The following MDN1 variants were observed in gnomAD, a reference collection of about 807,000 sequenced individuals.
The protein encoded by MDN1 is midasin AAA ATPase 1, also known as midasin.
MDN1 carries 266 observed loss-of-function variants against 669.2 expected under a neutral mutation model. The ratio of observed to expected loss-of-function variants is 0.40; its 90% CI spans 0.36 to 0.44. The LOEUF (loss-of-function observed/expected upper bound fraction) is 0.44, where lower values mean the gene tolerates loss of function less well. MDN1 is among the 20% of genes least tolerant of loss of function. The pLI is 1.00. For synonymous variants in MDN1, 2,385 were observed against 2,457.1 expected (o/e 0.97, Z 0.87); for missense variants, 5,940 against 6,754.0 (o/e 0.88, Z 4.22).
chr6:89,775,696 T>G (rs2128323463), intron 12 of MDN1, among the ~76,000 whole-genome samples: 1 of 152,292 alleles, frequency 6.6e-6, no homozygotes, highest in Non-Finnish European at 1.5e-5. Flanking sequence ...TTTGGTTGGT[T>G]TTTATCAGAG....
At chr6:89,688,268 G>C (rs1014982216) in intron 66 of MDN1, 95 bp from the exon 67 acceptor site, 15 of 1,147,018 alleles carry the variant, frequency 1.3e-5, no homozygotes, top group Non-Finnish European at 1.8e-5. Context: ...ATTCCCCCCA[G>C]TTCTCTACTT....
chr6:89,774,846 A>G (rs975539214), intron 12 of MDN1, 113 bp from the exon 13 acceptor site: 10 of 659,178 alleles, frequency 1.5e-5, no homozygotes, highest in Non-Finnish European at 2.1e-5. Flanking sequence ...ATTATTCTCT[A>G]CTTCCCAGAT....
At position 89,796,324 on chromosome 6, in the gene MDN1, C is replaced by CAAAAAAAAAAAAAAAA. The variant is rs35169575; in HGVS notation, c.330-1539_330-1524dup. Among the ~76,000 whole-genome samples, 69 of 45,286 alleles carry CAAAAAAAAAAAAAAAA rather than the reference C, an allele frequency of 1.5e-3. 4 individuals carry two copies. Among genetic ancestry groups the CAAAAAAAAAAAAAAAA allele is most frequent in the African/African-American group, 2.9e-3 (20 of 6,806 alleles). 29.7% of individuals were successfully genotyped at this position (45,286 alleles called of 152,430 possible). Reference sequence around the variant, plus strand: ...GGGCGACAAGAGCAAAACTCTGTCTCAAAAAAAAAAAAAAAAAAAAAAAAA... The same window carrying CAAAAAAAAAAAAAAAA: ...GGGCGACAAGAGCAAAACTCTGTCTCAAAAAAAAAAAAAAAAAAAAAAAAAAAAAAAAAAAAAAAAA... On this transcript the variant is annotated intron_variant, in intron 2 of 101. Transcript: ENST00000369393.
At chr6:89,657,664 CTTA>C (rs1324491004) in intron 90 of MDN1, among the ~76,000 whole-genome samples, 1 of 152,202 alleles carries the variant, frequency 6.6e-6, no homozygotes, top group Non-Finnish European at 1.5e-5. Flanking sequence ...ACAACTTTTT[CTTA>C]TTATGCACAC....
chr6:89,725,189 C>T lies in MDN1; in HGVS notation c.5670+10G>A. On this transcript the variant is annotated intron_variant, in intron 38 of 101. Transcript: ENST00000369393. ...CTATCTTTGGTCTCTATGGCAACAG[C>T]AAATCTTACCTGAGTGAATCTGTTA... is the stretch of plus-strand genomic sequence containing the variant. 1 of 1,613,568 alleles carries T rather than the reference C, an allele frequency of 6.2e-7. No homozygotes were observed. Among genetic ancestry groups the T allele is most frequent in the Non-Finnish European group, 8.5e-7 (1 of 1,179,596 alleles).
intron 1 of MDN1, among the ~76,000 whole-genome samples, chr6:89,812,098 G>C (rs1768458410): frequency 6.6e-6 from 1 of 151,250 alleles, no homozygotes; most frequent in Non-Finnish European, 1.5e-5. Flanking sequence ...CAATTCTCCT[G>C]CCTCAGCCTC....
In MDN1 at chr6:89,655,747, C is replaced by T; in HGVS notation, c.15490+17G>A. ...AGAGCTCAGTGGGCAAAGGCAGCAG[C>T]TTTCCCAGGACCGTACCATAGGTCT... On this transcript the variant is annotated intron_variant, in intron 92 of 101. Coordinates refer to ENST00000369393, the MANE Select transcript of MDN1 (RefSeq NM_014611.3). 1 of 1,580,112 alleles carries T rather than the reference C, an allele frequency of 6.3e-7. No individual in the cohort carries two copies.
rs1386116967 is a variant in MDN1, at chr6:89,661,813, G to A, written c.14566-235C>T. Among the ~76,000 whole-genome samples the A allele has an allele frequency of 4.6e-5, 7 of 152,068 alleles. No individual in the cohort carries two copies. In the South Asian group the frequency reaches 8.3e-4, roughly 18 times the overall value. On this transcript the variant is annotated intron_variant, in intron 87 of 101. Coordinates refer to ENST00000369393, the MANE Select transcript of MDN1 (RefSeq NM_014611.3). ...AAATGGTGCTATGTTACTTAATCTC[G>A]AAGAAACTTACAAGAAGAAATAAAC...
intron 78 of MDN1, among the ~76,000 whole-genome samples, chr6:89,675,068 C>T (rs1811090691): frequency 6.6e-6 from 1 of 152,202 alleles, no homozygotes; most frequent in Admixed American, 6.5e-5. Flanking sequence ...GTAACAGAAG[C>T]AGACTCAAAT....
chr6:89,749,682 T>C lies in MDN1; in HGVS notation c.3476A>G (p.Asp1159Gly). The C allele has an allele frequency of 6.2e-7, 1 of 1,613,950 alleles. No individual in the cohort carries two copies. The highest frequency in any genetic ancestry group is 8.5e-7 in the Non-Finnish European group (1 of 1,179,876). ...ILDELNLAPT[D>G]VLEALNRLLD... ...CAGCCTATTCAGCGCCTCTAACACATCAGTAGGGGCCAAATTTAATTCATC... is the reference window on the plus strand; with the variant it reads ...CAGCCTATTCAGCGCCTCTAACACACCAGTAGGGGCCAAATTTAATTCATC... Residue 1159 changes from aspartate (D) to glycine (G), a missense_variant, in exon 25 of 102, where the codon GAT becomes GGT. Physicochemically the swap from Asp to Gly is moderately conservative, Grantham distance 94. Transcript: ENST00000369393.
chr6:89,653,982 C>T (rs189323627), intron 93 of MDN1, among the ~76,000 whole-genome samples, 182 bp downstream of exon 93: 58 of 152,256 alleles, frequency 3.8e-4, no homozygotes, highest in African/African-American at 1.1e-3. Context: ...CAACACCCAC[C>T]GCTGTCCATA....
chr6:89,646,953 T>C (rs1242177885), intron 99 of MDN1, among the ~76,000 whole-genome samples: 1 of 152,060 alleles, frequency 6.6e-6, no homozygotes, highest in Non-Finnish European at 1.5e-5. Context: ...ACCTGGATAA[T>C]TATTTTTGTC....
intron 1 of MDN1, among the ~76,000 whole-genome samples, chr6:89,812,692 A>G (rs1768517834): frequency 6.8e-6 from 1 of 148,002 alleles, no homozygotes; most frequent in African/African-American, 2.4e-5. Context: ...AGCCCTTCTC[A>G]AAGCAGAGTT....
At chr6:89,743,109 A>C in intron 31 of MDN1, 41 bp downstream of exon 31, 3 of 1,600,122 alleles carry the variant, frequency 1.9e-6, no homozygotes, top group Non-Finnish European at 2.6e-6. Flanking sequence ...AATCACACCA[A>C]CAAAAATATC....
At position 89,756,331 on chromosome 6, in the gene MDN1, A is replaced by C. The variant is rs1333013291; in HGVS notation, c.2762T>G (p.Val921Gly). ...ESKEDLQVLI[V>G]DYLKGLSVNK... ...CACACTCAATCCTTTCAGATAATCT[A>C]CAATAAGAACCTGTAAGTCTTCTTT... The change falls in exon 20 of 102, where the codon GTA becomes GGA. Residue 921 changes from valine (V) to glycine (G), a missense_variant. Val to Gly is a moderately radical substitution (Grantham distance 109). This residue lies in a region of MDN1 where 1,203 missense variants were observed against 1,268.9 expected (regional missense o/e 0.95). Transcript: ENST00000369393. 6.2e-7 allele frequency: 1 copy of C among 1,604,696 alleles called. No individual in the cohort carries two copies. The highest frequency in any genetic ancestry group is 2.2e-5 in the East Asian group (1 of 44,628).
At chr6:89,683,987 C>T in intron 71 of MDN1, 83 bp from the exon 72 acceptor site, 1 of 1,008,422 alleles carries the variant, frequency 9.9e-7, no homozygotes, top group East Asian at 2.4e-5. Flanking sequence ...TCAGCAAAGA[C>T]CAGAGCTCAC....
At position 89,699,559 on chromosome 6, in the gene MDN1, C is replaced by T. The variant is rs771544846; in HGVS notation, c.8997+42G>A. ...AGTCTGTCAAAGAAAATCTAACCAA[C>T]TCATAATGTAAAGGAGGCTTATGTC... is the stretch of plus-strand genomic sequence containing the variant. On this transcript the variant is annotated intron_variant, in intron 58 of 101. Transcript: ENST00000369393. The T allele has an allele frequency of 2.0e-5, 32 of 1,564,368 alleles. No homozygotes were observed. In the South Asian group the frequency reaches 3.2e-4, roughly 16 times the overall value.
chr6:89,692,021 G>T (rs1387394266), intron 63 of MDN1, among the ~76,000 whole-genome samples: 3 of 152,224 alleles, frequency 2.0e-5, no homozygotes, highest in African/African-American at 7.2e-5. Flanking sequence ...TGGGATACCT[G>T]GTATGTTAGC....
At position 89,747,433 on chromosome 6, in the gene MDN1, T is replaced by C; in HGVS notation, c.3800A>G (p.Gln1267Arg). Residue 1267 changes from glutamine to arginine, a missense_variant, in exon 27 of 102, where the codon CAG (glutamine) becomes CGG (arginine). By Grantham distance (43) the Gln-to-Arg change is conservative (BLOSUM62 1). Transcript: ENST00000369393. ...RRSSSVFAGK[Q>R]GFITLRDLFR... is the part of the protein sequence containing the mutation. ...CAGATCACGAAGGGTGATGAAGCCC[T>C]GCTTTCCAGCAAACACTGAAGAACT... 6.2e-7 allele frequency: 1 copy of C among 1,614,100 alleles called. No homozygotes were observed. Among genetic ancestry groups the C allele is most frequent in the Non-Finnish European group, 8.5e-7 (1 of 1,180,006 alleles).
Sources: allele counts gnomAD v4.1 joint callset (sites outside exome capture counted in the v4.1 genomes callset), GRCh38; gene constraint gnomAD v4.1.1; regional missense constraint gnomAD v4.1.1; transcripts MANE v1.5; gene names NCBI Gene and HGNC (gene_info 2026-07-23, HGNC 2026-07-21).